NBAS: variants seen among roughly 807,000 people sequenced by gnomAD.
NBAS encodes NBAS subunit of NRZ tethering complex, also known as NAG/BC035112 fusion.
NBAS carries 219 observed loss-of-function variants against 302.5 expected under a neutral mutation model. That is an observed-to-expected ratio of 0.72 (90% CI 0.65 to 0.81). The LOEUF (loss-of-function observed/expected upper bound fraction) is 0.81. NBAS is among the 30% of genes least tolerant of loss of function. The probability of loss-of-function intolerance (pLI) is 0.00; values close to 1 mark genes in which losing one functional copy is unlikely to be tolerated. For missense variants in NBAS, 2,932 were observed against 2,841.6 expected (o/e 1.03, Z -0.72); for synonymous variants, 1,118 against 1,021.6 (o/e 1.09, Z -1.80).
chr2:15,266,177 T>C (rs894626986), intron 44 of NBAS, among the ~76,000 whole-genome samples: 1 of 152,204 alleles, frequency 6.6e-6, no homozygotes, highest in African/African-American at 2.4e-5. Flanking sequence ...TCCTCCATGA[T>C]TGTAAGTTTC....
At chr2:14,952,146 G>C in the NBAS span, among the ~76,000 whole-genome samples, 9 of 152,180 alleles carry the variant, frequency 5.9e-5, no homozygotes, top group African/African-American at 2.2e-4. Flanking sequence ...CTGACTTCCT[G>C]CTTTGCTCCA....
intron 45 of NBAS, among the ~76,000 whole-genome samples, chr2:15,235,027 G>A (rs1162435002): frequency 2.0e-5 from 3 of 152,172 alleles, no homozygotes; most frequent in Non-Finnish European, 4.4e-5. Flanking sequence ...CGTGTGAATA[G>A]AGGGTGTTGT....
At chr2:15,152,130 A>G in the NBAS span, among the ~76,000 whole-genome samples, 1 of 152,204 alleles carries the variant, frequency 6.6e-6, no homozygotes, top group Non-Finnish European at 1.5e-5. Flanking sequence ...GATTACAGGC[A>G]TGAGCCACCA....
intron 30 of NBAS, 59 bp downstream of exon 30, chr2:15,379,543 C>A (rs1441817171): frequency 7.4e-6 from 11 of 1,476,672 alleles, no homozygotes; most frequent in African/African-American, 1.4e-5. Context: ...AATAACAATG[C>A]AGTTTGTACA....
At chr2:15,169,686 T>C (rs1024755540) in intron 51 of NBAS, among the ~76,000 whole-genome samples, 2 of 152,228 alleles carry the variant, frequency 1.3e-5, no homozygotes, top group African/African-American at 4.8e-5. Flanking sequence ...CACAAGTTCC[T>C]ATGGAGCAGA....
the NBAS span, among the ~76,000 whole-genome samples, chr2:15,075,371 G>A: frequency 6.6e-6 from 1 of 152,134 alleles, no homozygotes; most frequent in Admixed American, 6.5e-5. Context: ...CCTCCTGTTG[G>A]AATCAGCCGC....
chr2:15,096,609 G>C, the NBAS span, among the ~76,000 whole-genome samples: 12 of 152,276 alleles, frequency 7.9e-5, no homozygotes, highest in East Asian at 2.3e-3. Flanking sequence ...TCGGACAAAT[G>C]GGTTCAAAGG....
At chr2:15,422,322 G>A (rs1677251112) in intron 23 of NBAS, among the ~76,000 whole-genome samples, 1 of 152,116 alleles carries the variant, frequency 6.6e-6, no homozygotes, top group South Asian at 2.1e-4. Flanking sequence ...TTTTAGAGCT[G>A]AGTAAATATT....
chr2:15,507,746 C>T (rs140383418), intron 10 of NBAS, among the ~76,000 whole-genome samples: 31 of 152,244 alleles, frequency 2.0e-4, no homozygotes, highest in African/African-American at 7.5e-4. Flanking sequence ...GCAGCGAATC[C>T]CTTGAGGGCT....
the NBAS span, among the ~76,000 whole-genome samples, chr2:15,048,034 AG>A: frequency 0.82 from 125,300 of 152,222 alleles, 51,914 homozygotes; most frequent in East Asian, 0.99. Flanking sequence ...TGGCTAGTGG[AG>A]AACTCCTGCT....
chr2:15,069,612 C>G, the NBAS span, among the ~76,000 whole-genome samples: 1 of 151,668 alleles, frequency 6.6e-6, no homozygotes, highest in African/African-American at 2.4e-5. Context: ...ATGACACTAT[C>G]AAAACTACTT....
the NBAS span, among the ~76,000 whole-genome samples, chr2:15,048,128 G>T: frequency 6.6e-6 from 1 of 152,330 alleles, no homozygotes; most frequent in Middle Eastern, 3.4e-3. Context: ...GAGCTATAAA[G>T]CACCAAGCAC....
rs375268054 is a variant in NBAS at position 15,170,393 on chromosome 2, G to A, written c.6841-3070C>T. Among the ~76,000 whole-genome samples, 14 of 152,318 alleles carry A rather than the reference G, an allele frequency of 9.2e-5. No individual in the cohort carries two copies. The South Asian group carries it at 2.1e-3, about 23-fold the overall frequency. On this transcript the variant is annotated intron_variant, in intron 51 of 51. Coordinates refer to ENST00000281513, the MANE Select transcript of NBAS (RefSeq NM_015909.4). ...CAAAAGCCTGCTGCTTGCCTTCTTG[G>A]CTGAGAATGCCTAAGGCTAAAGACA...
At chr2:14,894,156 A>G in the NBAS span, among the ~76,000 whole-genome samples, 9 of 152,228 alleles carry the variant, frequency 5.9e-5, no homozygotes, top group Non-Finnish European at 1.2e-4. Context: ...TCAAAAATAC[A>G]TAGCTTTCAT....
At chr2:15,270,589 A>C (rs1669274334) in intron 44 of NBAS, among the ~76,000 whole-genome samples, 1 of 152,194 alleles carries the variant, frequency 6.6e-6, no homozygotes, top group Admixed American at 6.5e-5. Context: ...AGAATGACCA[A>C]TCTATAATTA....
At chr2:15,049,358 G>C in the NBAS span, among the ~76,000 whole-genome samples, 190 of 152,304 alleles carry the variant, frequency 1.2e-3, 1 homozygote, top group African/African-American at 4.4e-3. Flanking sequence ...CCTCTCATTT[G>C]TCATTGTCCT....
intron 34 of NBAS, among the ~76,000 whole-genome samples, chr2:15,353,318 ACTTT>A (rs1673456838): frequency 6.6e-6 from 1 of 152,126 alleles, no homozygotes; most frequent in South Asian, 2.1e-4. Flanking sequence ...TCCAAATATT[ACTTT>A]CTTTCTTTCT....
chr2:15,477,983 C>G (rs1029201636), intron 13 of NBAS, among the ~76,000 whole-genome samples: 1 of 152,160 alleles, frequency 6.6e-6, no homozygotes, highest in African/African-American at 2.4e-5. Context: ...AAAAGGAGCA[C>G]GCTTCTAAGC....
chr2:15,159,310 G>A, the NBAS span, among the ~76,000 whole-genome samples: 1 of 152,148 alleles, frequency 6.6e-6, no homozygotes, highest in Admixed American at 6.5e-5. Flanking sequence ...TGTTACCCCT[G>A]GGAGAGCTTG....
Sources: gnomAD v4.1 joint callset for allele counts (sites outside exome capture counted in the v4.1 genomes callset) on GRCh38, gnomAD v4.1.1 for gene constraint, MANE v1.5 for transcripts, NCBI Gene and HGNC (gene_info 2026-07-23, HGNC 2026-07-21) for gene names.